Variants in RIN2 observed in about 807,000 individuals in gnomAD.
RIN2 encodes Ras and Rab interactor 2.
RIN2 carries 36 observed loss-of-function variants against 78.0 expected under a neutral mutation model. The ratio of observed to expected loss-of-function variants is 0.46; its 90% CI spans 0.35 to 0.61. The LOEUF (loss-of-function observed/expected upper bound fraction) is 0.61, where lower values mean the gene tolerates loss of function less well. Ranked by LOEUF, RIN2 falls within the 20% of genes least tolerant of loss-of-function variation. The pLI, the probability that RIN2 is intolerant of heterozygous loss-of-function variation, is 0.00. For missense variants in RIN2, 1,087 were observed against 1,159.7 expected (o/e 0.94, Z 0.91); for synonymous variants, 466 against 466.8 (o/e 1.00, Z 0.02).
chr20:19,911,037 G>A (rs1460941824), intron 3 of RIN2, among the ~76,000 whole-genome samples: 1 of 150,104 alleles, frequency 6.7e-6, no homozygotes, highest in Non-Finnish European at 1.5e-5. Context: ...CACATATGCA[G>A]AATTATATAA....
At chr20:19,934,385 G>C (rs924489468) in intron 3 of RIN2, 1 of 678,252 alleles carries the variant, frequency 1.5e-6, no homozygotes, top group Non-Finnish European at 1.8e-6. Flanking sequence ...TGAGTGAATA[G>C]GAGGGTGAAA....
intron 12 of RIN2, among the ~76,000 whole-genome samples, chr20:19,997,365 C>T (rs951600825): frequency 6.6e-6 from 1 of 152,188 alleles, no homozygotes; most frequent in Non-Finnish European, 1.5e-5. Context: ...GCTCAGGTTC[C>T]CTGGCCAGGG....
chr20:19,863,740 T>C (rs1215355921), intron 2 of RIN2, among the ~76,000 whole-genome samples: 1 of 152,180 alleles, frequency 6.6e-6, no homozygotes, highest in Non-Finnish European at 1.5e-5. Context: ...ACTTTGACAG[T>C]ATGTAAAGTG....
chr20:19,858,590 C>T (rs1477661340), intron 2 of RIN2, among the ~76,000 whole-genome samples: 2 of 152,154 alleles, frequency 1.3e-5, no homozygotes, highest in Non-Finnish European at 2.9e-5. Context: ...TTAAGGACAT[C>T]GTGCTAATGT....
rs375970512 is a variant in RIN2, at chr20:19,956,703, A to G, written c.247A>G (p.Arg83Gly). Residue 83 changes from arginine to glycine, a missense_variant, in exon 5 of 13, where the codon AGG (arginine) becomes GGG (glycine). Around this residue, in one of 8 missense-constraint regions of RIN2, gnomAD observed 706 missense variants for 667.5 expected, o/e 1.06. Coordinates refer to ENST00000255006, the MANE Select transcript of RIN2 (RefSeq NM_018993.4). ...RDSGYDSLSNRLSILDRLLHT... is the reference protein window; with the variant it reads ...RDSGYDSLSNGLSILDRLLHT... ...CTCAGGCTATGACAGCCTCTCCAAC[A>G]GGCTCAGCATCTTGGACCGGCTCCT... 2.3e-4 allele frequency: 371 copies of G among 1,612,436 alleles called. No homozygotes were observed. The highest frequency in any genetic ancestry group is 3.0e-4 in the Non-Finnish European group (358 of 1,179,356).
chr20:19,835,449 CATT>C (rs2036393720), intron 2 of RIN2, among the ~76,000 whole-genome samples: 3 of 152,260 alleles, frequency 2.0e-5, no homozygotes, highest in Admixed American at 6.5e-5. Context: ...CAATAACAAT[CATT>C]ATATTACTTT....
intron 2 of RIN2, among the ~76,000 whole-genome samples, chr20:19,813,060 G>A (rs1054867745): frequency 6.6e-6 from 1 of 152,200 alleles, no homozygotes; most frequent in Non-Finnish European, 1.5e-5. Flanking sequence ...CCTGCAGGAA[G>A]AACACAGGCA....
chr20:19,865,932 A>G (rs994282498), intron 2 of RIN2, among the ~76,000 whole-genome samples: 1 of 152,056 alleles, frequency 6.6e-6, no homozygotes, highest in African/African-American at 2.4e-5. Context: ...ACGGAAGACA[A>G]TTTTTCCATA....
Position 19,856,547 on chromosome 20 carries a change from G to A in RIN2, c.-36-33019G>A, listed in dbSNP as rs1056787235. Among the ~76,000 whole-genome samples the A allele has an allele frequency of 2.9e-4, 42 of 147,114 alleles. 1 individual carries two copies. Among genetic ancestry groups the A allele is most frequent in the Admixed American group, 5.4e-4 (8 of 14,710 alleles). On this transcript the variant is annotated intron_variant, in intron 2 of 12. Transcript: ENST00000255006. ...GACTTTGTCTCAGAAAAAAAAAAAA[G>A]AGAGAGGGAGAGAAAGGGAGGAAGG...
chr20:19,877,615 C>T (rs2037896534), intron 2 of RIN2, among the ~76,000 whole-genome samples: 1 of 152,188 alleles, frequency 6.6e-6, no homozygotes, highest in South Asian at 2.1e-4. Context: ...GCTGTTGAAC[C>T]TAAGCCCACC....
intron 6 of RIN2, among the ~76,000 whole-genome samples, chr20:19,962,177 C>T (rs921633184): frequency 2.5e-4 from 38 of 151,664 alleles, no homozygotes; most frequent in South Asian, 8.3e-4. Flanking sequence ...TGATGACACA[C>T]GCCTGTAGTC....
intron 3 of RIN2, among the ~76,000 whole-genome samples, chr20:19,920,455 A>T (rs1336532335): frequency 2.0e-5 from 3 of 152,212 alleles, no homozygotes; most frequent in Admixed American, 2.0e-4. Context: ...AATCTAAGGC[A>T]ACACTGGACT....
At chr20:19,850,188 A>G (rs2036915484) in intron 2 of RIN2, among the ~76,000 whole-genome samples, 1 of 152,232 alleles carries the variant, frequency 6.6e-6, no homozygotes. Context: ...TACTATTAAC[A>G]GACCTCCCTC....
intron 2 of RIN2, among the ~76,000 whole-genome samples, chr20:19,814,358 C>T (rs1417327088): frequency 6.6e-6 from 1 of 152,172 alleles, no homozygotes; most frequent in Non-Finnish European, 1.5e-5. Context: ...GCGGTGCACA[C>T]TTGCCCTTTC....
chr20:19,907,825 G>T (rs540840251), intron 3 of RIN2, among the ~76,000 whole-genome samples: 2 of 152,344 alleles, frequency 1.3e-5, no homozygotes, highest in South Asian at 2.1e-4. Flanking sequence ...TGTAAGGGCT[G>T]CCAATCCCTG....
chr20:19,785,275 T>TACACAC lies in RIN2; in HGVS notation c.-162-14326_-162-14321dup, dbSNP rs11471757. ...TAGTCAATGTTCTCACCCCTCTACA[T>TACACAC]ACACACACACACACACACACACACA... is the stretch of plus-strand genomic sequence containing the variant. On this transcript the variant is annotated intron_variant, in intron 1 of 12. Coordinates refer to ENST00000255006, the MANE Select transcript of RIN2 (RefSeq NM_018993.4). Among the ~76,000 whole-genome samples, 613 of 143,050 alleles carry TACACAC rather than the reference T, an allele frequency of 4.3e-3. 4 individuals are homozygous for TACACAC. The highest frequency in any genetic ancestry group is 0.014 in the African/African-American group (569 of 39,384). 93.8% of individuals were successfully genotyped at this position (143,050 alleles called of 152,430 possible).
At chr20:19,886,455 T>G (rs1299277862) in intron 2 of RIN2, 1 of 481,522 alleles carries the variant, frequency 2.1e-6, no homozygotes, top group East Asian at 3.2e-5. Context: ...TCTAGGAGAA[T>G]GAGGAATAGT....
chr20:19,845,098 A>G (rs930089698), intron 2 of RIN2, among the ~76,000 whole-genome samples: 1 of 152,112 alleles, frequency 6.6e-6, no homozygotes, highest in Non-Finnish European at 1.5e-5. Flanking sequence ...ATTCCATGGC[A>G]TATATGTGCC....
At chr20:19,774,080 C>A (rs1290455849) in intron 1 of RIN2, among the ~76,000 whole-genome samples, 2 of 152,028 alleles carry the variant, frequency 1.3e-5, no homozygotes, top group African/African-American at 4.8e-5. Flanking sequence ...GGCTGTCAAC[C>A]AGCTACCATA....
Sources: allele counts gnomAD v4.1 joint callset (sites outside exome capture counted in the v4.1 genomes callset), GRCh38; gene constraint gnomAD v4.1.1; regional missense constraint gnomAD v4.1.1; transcripts MANE v1.5; gene names NCBI Gene and HGNC (gene_info 2026-07-23, HGNC 2026-07-21).